Variants in ITPR2 observed in about 807,000 individuals in gnomAD.
ITPR2 encodes the protein inositol 1,4,5-trisphosphate-gated calcium channel ITPR2.
Under a neutral mutation model 317.1 loss-of-function variants are expected in ITPR2, and 207 were observed. The ratio of observed to expected loss-of-function variants is 0.65; its 90% CI spans 0.58 to 0.73. The LOEUF (loss-of-function observed/expected upper bound fraction) is 0.73. ITPR2 is among the 30% of genes least tolerant of loss of function. The probability of loss-of-function intolerance (pLI) is 0.00; values close to 1 mark genes in which losing one functional copy is unlikely to be tolerated. For synonymous variants in ITPR2, 1,156 were observed against 1,149.1 expected, an observed-to-expected ratio of 1.01 and a Z score of -0.12; for missense variants, 2,613 against 3,284.0, an observed-to-expected ratio of 0.80 and a Z score of 4.99.
At chr12:26,683,648 G>A (rs1448641570) in intron 11 of ITPR2, among the ~76,000 whole-genome samples, 3 of 152,122 alleles carry the variant, frequency 2.0e-5, no homozygotes, top group African/African-American at 7.2e-5. Flanking sequence ...GCGACCAGAA[G>A]CTCACAGGAA....
chr12:26,410,780 G>T (rs1940522051), intron 52 of ITPR2, among the ~76,000 whole-genome samples: 1 of 152,124 alleles, frequency 6.6e-6, no homozygotes, highest in African/African-American at 2.4e-5. Context: ...AGAGTTTAAA[G>T]AATTATTATT....
chr12:26,749,617 A>G (rs576599888), intron 2 of ITPR2, among the ~76,000 whole-genome samples: 1 of 152,354 alleles, frequency 6.6e-6, no homozygotes, highest in Admixed American at 6.5e-5. Context: ...CTCAGGAAAT[A>G]TAAAAGTTAA....
chr12:26,443,689 T>C (rs1459587266), intron 45 of ITPR2, 39 bp from the exon 46 acceptor site: 7 of 1,526,504 alleles, frequency 4.6e-6, no homozygotes, highest in Non-Finnish European at 4.5e-6. Context: ...GGTCTTCTTT[T>C]CCCCTTTCCT....
intron 55 of ITPR2, among the ~76,000 whole-genome samples, chr12:26,371,592 T>C (rs1022818945): frequency 6.6e-6 from 1 of 152,230 alleles, no homozygotes; most frequent in Non-Finnish European, 1.5e-5. Context: ...GAAGATTTTA[T>C]TTTCTGAAGA....
chr12:26,477,458 C>T (rs114713627), intron 43 of ITPR2, among the ~76,000 whole-genome samples: 1,544 of 151,866 alleles, frequency 0.01, 29 homozygotes, highest in African/African-American at 0.036. Flanking sequence ...ATTAGCAAAT[C>T]GAAACCTAAA....
In ITPR2 at chr12:26,338,614, GGC is replaced by G. The variant is rs1403700767; in HGVS notation, c.*781_*782del. 6.6e-5 allele frequency: 10 copies of G among 152,020 alleles called. No individual in the cohort carries two copies. Among genetic ancestry groups the G allele is most frequent in the Non-Finnish European group, 1.5e-4 (10 of 68,014 alleles). 9.4% of individuals were successfully genotyped at this position (152,020 alleles called of 1,614,324 possible). A position where few individuals can be genotyped will look rare whatever the true frequency, so the allele number is the denominator to read the frequency against. On this transcript the variant is annotated 3_prime_UTR_variant, in exon 57 of 57. Transcript: ENST00000381340. ...ATGGTCTCAAAAAACCCTTTCCTGGGGCTTACTGTTGGCTTTTTATTCCCCCA... is the reference window on the plus strand; with the variant it reads ...ATGGTCTCAAAAAACCCTTTCCTGGGTTACTGTTGGCTTTTTATTCCCCCA...
chr12:26,740,140 A>G (rs1949204981), intron 2 of ITPR2, among the ~76,000 whole-genome samples: 1 of 152,342 alleles, frequency 6.6e-6, no homozygotes, highest in South Asian at 2.1e-4. Context: ...AACACAGCAC[A>G]CAATAAAATT....
At chr12:26,652,149 C>T (rs1947270706) in intron 21 of ITPR2, among the ~76,000 whole-genome samples, 1 of 152,176 alleles carries the variant, frequency 6.6e-6, no homozygotes, top group Non-Finnish European at 1.5e-5. Flanking sequence ...TCCCTTTTCT[C>T]TTCCCCAGTT....
rs114285451 is a variant in ITPR2, at chr12:26,587,814, G to A, written c.4380+7651C>T. Among the ~76,000 whole-genome samples, 1,180 of 148,876 alleles carry A rather than the reference G, an allele frequency of 7.9e-3. 11 individuals carry two copies. Among genetic ancestry groups the A allele is most frequent in the African/African-American group, 0.025 (1,024 of 40,586 alleles). ...TAGATAAAGAATAGATGGAGAGAGG[G>A]ACAAGAGCAGAAGCTTGGAAACAGG... is the stretch of plus-strand genomic sequence containing the variant. On this transcript the variant is annotated intron_variant, in intron 32 of 56. Coordinates refer to ENST00000381340, the MANE Select transcript of ITPR2 (RefSeq NM_002223.4).
intron 37 of ITPR2, among the ~76,000 whole-genome samples, chr12:26,538,618 C>T (rs9669395): frequency 0.57 from 85,678 of 151,334 alleles, 28,137 homozygotes; most frequent in Non-Finnish European, 0.76. Context: ...ACTCTGTCAC[C>T]GAGGCTGGAA....
chr12:26,437,041 A>C (rs1941369677), intron 47 of ITPR2, among the ~76,000 whole-genome samples: 1 of 152,364 alleles, frequency 6.6e-6, no homozygotes, highest in Non-Finnish European at 1.5e-5. Flanking sequence ...CTGTTATCAC[A>C]AATGAATTAG....
At chr12:26,652,270 C>A (rs1947274683) in intron 21 of ITPR2, among the ~76,000 whole-genome samples, 1 of 152,188 alleles carries the variant, frequency 6.6e-6, no homozygotes, top group Non-Finnish European at 1.5e-5. Context: ...TTTGCACTGT[C>A]CCCTCGCTTC....
chr12:26,589,193 A>T (rs557529210), intron 32 of ITPR2, among the ~76,000 whole-genome samples: 1 of 152,198 alleles, frequency 6.6e-6, no homozygotes, highest in South Asian at 2.1e-4. Context: ...CTTACAGGAC[A>T]TGGATACTGT....
chr12:26,534,361 G>C (rs1944025601), intron 37 of ITPR2, among the ~76,000 whole-genome samples: 1 of 152,162 alleles, frequency 6.6e-6, no homozygotes, highest in Non-Finnish European at 1.5e-5. Flanking sequence ...ATAGATCTCA[G>C]AGGAAATGGT....
At chr12:26,528,824 T>C (rs1351358592) in intron 37 of ITPR2, among the ~76,000 whole-genome samples, 1 of 152,240 alleles carries the variant, frequency 6.6e-6, no homozygotes, top group African/African-American at 2.4e-5. Context: ...TGCTGTGTTG[T>C]GCACTGGAGG....
intron 2 of ITPR2, among the ~76,000 whole-genome samples, chr12:26,788,323 T>C (rs1950292428): frequency 6.6e-6 from 1 of 152,326 alleles, no homozygotes; most frequent in Non-Finnish European, 1.5e-5. Context: ...TATTAGCCAC[T>C]TCTACTCCCA....
chr12:26,712,074 C>A (rs1258176320), intron 8 of ITPR2, among the ~76,000 whole-genome samples: 1 of 152,118 alleles, frequency 6.6e-6, no homozygotes, highest in Non-Finnish European at 1.5e-5. Context: ...CAGAAAAGCT[C>A]GGGTTTTACA....
intron 32 of ITPR2, among the ~76,000 whole-genome samples, chr12:26,581,705 T>C (rs1945409018): frequency 6.6e-6 from 1 of 152,164 alleles, no homozygotes; most frequent in African/African-American, 2.4e-5. Context: ...TGGTCCCAGA[T>C]CTAATATAAA....
Position 26,436,025 on chromosome 12 carries a change from G to A in ITPR2, c.6769+196C>T, listed in dbSNP as rs543841959. On this transcript the variant is annotated intron_variant, in intron 48 of 56. Transcript: ENST00000381340. ...ATATAATATAGCTCTAATAACAATT[G>A]TGTATATGAGCTTTTTAAAAAATAA... Among the ~76,000 whole-genome samples the A allele has an allele frequency of 3.3e-5, 5 of 152,246 alleles. No individual in the cohort carries two copies. In the East Asian group the frequency reaches 9.6e-4, roughly 29 times the overall value.
Sources: allele counts gnomAD v4.1 joint callset (sites outside exome capture counted in the v4.1 genomes callset), GRCh38; gene constraint gnomAD v4.1.1; transcripts MANE v1.5; gene names NCBI Gene and HGNC (gene_info 2026-07-23, HGNC 2026-07-21).